Variants in WDR7 observed in about 807,000 individuals in gnomAD.
WDR7 encodes the protein WD repeat-containing protein 7.
WDR7 carries 46 observed loss-of-function variants against 169.4 expected under a neutral mutation model. That is an observed-to-expected ratio of 0.27 (90% CI 0.21 to 0.35). WDR7 has a LOEUF of 0.35. Ranked by LOEUF, WDR7 falls within the 10% of genes least tolerant of loss-of-function variation. The pLI is 1.00. For synonymous variants in WDR7, 612 were observed against 666.8 expected, an observed-to-expected ratio of 0.92 and a Z score of 1.27; for missense variants, 1,534 against 1,859.3, an observed-to-expected ratio of 0.83 and a Z score of 3.22.
chr18:56,665,292 TA>T lies in WDR7; in HGVS notation c.-19-7189del, dbSNP rs752515124. On this transcript the variant is annotated intron_variant, in intron 1 of 27. Transcript: ENST00000254442. ...TGGGTGACAAGAGTAAAACTCCATC[TA>T]AAAAAAAAAAAAAAAGAAGAAGAAG... 4.8e-3 allele frequency among the ~76,000 whole-genome samples: 665 copies of T among 139,582 alleles called. 5 individuals carry two copies. The highest frequency in any genetic ancestry group is 0.017 in the African/African-American group (622 of 37,442). 91.6% of individuals were successfully genotyped at this position (139,582 alleles called of 152,430 possible).
intron 20 of WDR7, among the ~76,000 whole-genome samples, chr18:56,819,851 G>A (rs1054695297): frequency 5.3e-5 from 8 of 151,964 alleles, no homozygotes; most frequent in Non-Finnish European, 2.9e-5. Context: ...CTGTGTGTTT[G>A]CTTTTATATG....
chr18:56,829,600 G>C (rs906482732), intron 20 of WDR7, among the ~76,000 whole-genome samples: 1 of 151,998 alleles, frequency 6.6e-6, no homozygotes, highest in Non-Finnish European at 1.5e-5. Context: ...AATATAAAGA[G>C]AATCAAGTAA....
At chr18:56,780,156 T>C (rs1351906363) in intron 18 of WDR7, among the ~76,000 whole-genome samples, 1 of 152,184 alleles carries the variant, frequency 6.6e-6, no homozygotes, top group Non-Finnish European at 1.5e-5. Context: ...ACCTGACACA[T>C]GGTAGGAGCT....
chr18:56,783,020 A>G (rs1315686812), intron 19 of WDR7, among the ~76,000 whole-genome samples: 1 of 152,158 alleles, frequency 6.6e-6, no homozygotes, highest in Non-Finnish European at 1.5e-5. Context: ...GCAAATATTT[A>G]TTTCACTTAT....
intron 20 of WDR7, among the ~76,000 whole-genome samples, chr18:56,817,022 CCAGAAAATAA>C (rs2044984356): frequency 6.6e-6 from 1 of 151,360 alleles, no homozygotes; most frequent in South Asian, 2.1e-4. Flanking sequence ...AGAAGCATGC[CCAGAAAATAA>C]CAGAAAATTT....
At chr18:56,666,594 A>G (rs1050112969) in intron 1 of WDR7, among the ~76,000 whole-genome samples, 1 of 152,184 alleles carries the variant, frequency 6.6e-6, no homozygotes, top group Non-Finnish European at 1.5e-5. Flanking sequence ...TTATCTGTAA[A>G]CACTGCAGTT....
At chr18:56,724,799 C>T (rs892356281) in intron 13 of WDR7, among the ~76,000 whole-genome samples, 22 of 152,026 alleles carry the variant, frequency 1.4e-4, no homozygotes, top group Non-Finnish European at 2.6e-4. Flanking sequence ...ATCCCTCCCC[C>T]GCTCTCCCAC....
chr18:56,914,135 C>G (rs190272520), intron 21 of WDR7, among the ~76,000 whole-genome samples: 1 of 152,248 alleles, frequency 6.6e-6, no homozygotes, highest in Non-Finnish European at 1.5e-5. Flanking sequence ...TCCGGCCACA[C>G]TGGACGTTTT....
intron 26 of WDR7, among the ~76,000 whole-genome samples, chr18:56,971,086 A>G (rs142389393): frequency 2.3e-3 from 345 of 152,250 alleles, no homozygotes; most frequent in African/African-American, 7.0e-3. Flanking sequence ...AGCCTGGCCA[A>G]TGTGGTGAAA....
chr18:56,841,268 G>A (rs1480704354), intron 20 of WDR7, among the ~76,000 whole-genome samples: 1 of 151,442 alleles, frequency 6.6e-6, no homozygotes, highest in Non-Finnish European at 1.5e-5. Flanking sequence ...ATGGCTGGGC[G>A]CGGTGGCCCA....
intron 12 of WDR7, among the ~76,000 whole-genome samples, chr18:56,697,179 C>T (rs994536989): frequency 2.6e-5 from 4 of 152,278 alleles, no homozygotes; most frequent in South Asian, 2.1e-4. Context: ...ATAGAGACAT[C>T]GTCTTCTTGT....
At chr18:56,651,948 T>A (rs1354358036) in intron 1 of WDR7, 3 of 152,236 alleles carry the variant, frequency 2.0e-5, no homozygotes, top group Non-Finnish European at 4.4e-5. Flanking sequence ...GCTTTTGGGG[T>A]TCATATAGTC....
chr18:57,001,130 A>G (rs957994439), intron 26 of WDR7, among the ~76,000 whole-genome samples: 8 of 152,020 alleles, frequency 5.3e-5, no homozygotes, highest in African/African-American at 1.9e-4. Context: ...AACATTAAGA[A>G]TGGTTTGGAC....
At chr18:56,991,142 C>CTTT (rs1599225543) in intron 26 of WDR7, among the ~76,000 whole-genome samples, 3 of 74,044 alleles carry the variant, frequency 4.1e-5, no homozygotes, top group Admixed American at 1.4e-4. Context: ...ACCTTCTCCT[C>CTTT]ATTTTTTTTT....
intron 20 of WDR7, among the ~76,000 whole-genome samples, chr18:56,852,094 T>C (rs2045648629): frequency 6.6e-6 from 1 of 152,116 alleles, no homozygotes; most frequent in South Asian, 2.1e-4. Flanking sequence ...GCCTGTTCAC[T>C]TGCTTTCCTC....
intron 26 of WDR7, among the ~76,000 whole-genome samples, chr18:56,963,679 T>C (rs2047366270): frequency 6.6e-6 from 1 of 152,144 alleles, no homozygotes; most frequent in Non-Finnish European, 1.5e-5. Context: ...AACTGTCAAA[T>C]TTTGTTTGTG....
chr18:56,691,188 A>G (rs1207103393), intron 7 of WDR7, 28 bp from the exon 8 acceptor site: 2 of 1,597,458 alleles, frequency 1.3e-6, no homozygotes, highest in South Asian at 2.3e-5. Flanking sequence ...AATATGGAGT[A>G]GATTGTGAAT....
chr18:56,766,322 T>C (rs2044065643), intron 16 of WDR7, among the ~76,000 whole-genome samples: 1 of 152,152 alleles, frequency 6.6e-6, no homozygotes, highest in Non-Finnish European at 1.5e-5. Context: ...AATTATTTCT[T>C]CAAATATTCA....
chr18:56,686,811 G>A (rs1249285316), intron 6 of WDR7, 44 bp from the exon 7 acceptor site: 2 of 1,448,298 alleles, frequency 1.4e-6, no homozygotes, highest in Non-Finnish European at 1.9e-6. Flanking sequence ...AATTTTAATT[G>A]ACAATCATGC....
Sources: allele counts gnomAD v4.1 joint callset (sites outside exome capture counted in the v4.1 genomes callset), GRCh38; gene constraint gnomAD v4.1.1; transcripts MANE v1.5; gene names NCBI Gene and HGNC (gene_info 2026-07-23, HGNC 2026-07-21).